The following OPCML variants were observed in gnomAD, a reference collection of about 807,000 sequenced individuals.
OPCML encodes the protein opioid-binding protein/cell adhesion molecule.
OPCML carries 13 observed loss-of-function variants against 37.8 expected under a neutral mutation model. The observed-to-expected ratio is 0.34, with a 90% CI of 0.22 to 0.55. The LOEUF (loss-of-function observed/expected upper bound fraction) is 0.55. Among genes scored for constraint, OPCML ranks in the 20% least tolerant of loss-of-function variants. The probability of loss-of-function intolerance (pLI) is 0.91; values close to 1 mark genes in which losing one functional copy is unlikely to be tolerated. For synonymous variants in OPCML, 176 were observed against 168.8 expected, an observed-to-expected ratio of 1.04 and a Z score of -0.33; for missense variants, 341 against 435.6, an observed-to-expected ratio of 0.78 and a Z score of 1.93.
chr11:133,434,800 A>T (rs999210455), intron 1 of OPCML, among the ~76,000 whole-genome samples: 1 of 70,810 alleles, frequency 1.4e-5, no homozygotes, highest in Non-Finnish European at 2.5e-5. Context: ...ATATATATGT[A>T]TATATATATA....
intron 1 of OPCML, among the ~76,000 whole-genome samples, chr11:133,510,346 C>A (rs564221083): frequency 6.6e-6 from 1 of 152,322 alleles, no homozygotes; most frequent in East Asian, 1.9e-4. Flanking sequence ...AATTAGAGCT[C>A]ATTTCTGTAC....
At chr11:133,301,332 C>T (rs913125446) in intron 1 of OPCML, 2 of 152,150 alleles carry the variant, frequency 1.3e-5, no homozygotes, top group Admixed American at 6.5e-5. Context: ...AAATAATTTG[C>T]TCACAAGCTT....
At chr11:132,738,026 C>T (rs1945316003) in intron 2 of OPCML, among the ~76,000 whole-genome samples, 1 of 152,180 alleles carries the variant, frequency 6.6e-6, no homozygotes, top group East Asian at 1.9e-4. Flanking sequence ...TAATCAGACA[C>T]TTAGCTCTCC....
chr11:132,459,386 T>G (rs2096092970), intron 4 of OPCML, among the ~76,000 whole-genome samples: 1 of 145,878 alleles, frequency 6.9e-6, no homozygotes, highest in African/African-American at 2.6e-5. Flanking sequence ...AGCCAATTCC[T>G]TTCTCTCTCT....
intron 3 of OPCML, among the ~76,000 whole-genome samples, chr11:132,570,305 G>A (rs934943570): frequency 6.6e-6 from 1 of 152,002 alleles, no homozygotes; most frequent in African/African-American, 2.4e-5. Context: ...AAATATTTTC[G>A]TTTGGCCCTT....
intron 2 of OPCML, among the ~76,000 whole-genome samples, chr11:132,706,024 T>C (rs1944019302): frequency 6.6e-6 from 1 of 151,962 alleles, no homozygotes; most frequent in South Asian, 2.1e-4. Flanking sequence ...GCCAGGCTGG[T>C]CTCAAACTCC....
At chr11:132,720,617 C>T (rs1480688548) in intron 2 of OPCML, among the ~76,000 whole-genome samples, 2 of 152,158 alleles carry the variant, frequency 1.3e-5, no homozygotes, top group Non-Finnish European at 2.9e-5. Context: ...CTCTAATTGG[C>T]TCGCTATTTA....
chr11:132,503,502 A>G (rs1334465208), intron 4 of OPCML, among the ~76,000 whole-genome samples: 2 of 152,118 alleles, frequency 1.3e-5, no homozygotes, highest in East Asian at 1.9e-4. Flanking sequence ...CTAACAATGC[A>G]TTAAAAATAT....
intron 1 of OPCML, among the ~76,000 whole-genome samples, chr11:132,997,083 T>A (rs1165504956): frequency 1.3e-5 from 2 of 152,148 alleles, no homozygotes; most frequent in African/African-American, 2.4e-5. Flanking sequence ...AGGAGCCTTT[T>A]ACCCCTCTCC....
At chr11:133,081,389 G>A (rs1227362373) in intron 1 of OPCML, among the ~76,000 whole-genome samples, 1 of 152,190 alleles carries the variant, frequency 6.6e-6, no homozygotes, top group Admixed American at 6.5e-5. Flanking sequence ...TAGGAACTGA[G>A]GCTGATGATT....
At chr11:132,887,848 G>C (rs1041817679) in intron 2 of OPCML, among the ~76,000 whole-genome samples, 2 of 152,174 alleles carry the variant, frequency 1.3e-5, no homozygotes, top group Non-Finnish European at 2.9e-5. Flanking sequence ...ATCTTACTCT[G>C]CCTAAGCTGT....
intron 2 of OPCML, among the ~76,000 whole-genome samples, chr11:132,833,815 CGT>C (rs376259139): frequency 1.7e-4 from 26 of 152,252 alleles, no homozygotes; most frequent in Middle Eastern, 3.4e-3. Context: ...ACTGAAACAT[CGT>C]TACGCAGCAC....
intron 1 of OPCML, among the ~76,000 whole-genome samples, chr11:133,239,761 G>A (rs1299398181): frequency 1.3e-5 from 2 of 152,292 alleles, no homozygotes; most frequent in East Asian, 3.9e-4. Context: ...CACTGCTCAG[G>A]AAGAACTGCT....
intron 2 of OPCML, chr11:132,817,050 C>T (rs11822275): frequency 0.028 from 4,210 of 152,296 alleles, 68 homozygotes; most frequent in African/African-American, 0.044. Flanking sequence ...TAGAAGTAAG[C>T]GGCAACAATG....
chr11:132,528,992 T>C, intron 4 of OPCML, 69 bp downstream of exon 4: 1 of 868,600 alleles, frequency 1.2e-6, no homozygotes, highest in Non-Finnish European at 1.8e-6. Flanking sequence ...TTCCTGAAGC[T>C]CTGTTGTGCA....
At chr11:132,714,559 A>T (rs929500100) in intron 2 of OPCML, among the ~76,000 whole-genome samples, 1 of 150,524 alleles carries the variant, frequency 6.6e-6, no homozygotes, top group Non-Finnish European at 1.5e-5. Flanking sequence ...TGTAGAAGTT[A>T]AAGTCAAAAT....
chr11:133,356,599 A>G (rs1290356026), intron 1 of OPCML, among the ~76,000 whole-genome samples: 1 of 152,144 alleles, frequency 6.6e-6, no homozygotes, highest in Non-Finnish European at 1.5e-5. Context: ...GCCCTGTACT[A>G]TCATTAATTG....
intron 1 of OPCML, among the ~76,000 whole-genome samples, chr11:133,296,935 G>A (rs1297151410): frequency 6.6e-6 from 1 of 152,142 alleles, no homozygotes; most frequent in Non-Finnish European, 1.5e-5. Flanking sequence ...CCCAGGAATT[G>A]CTCATAATTG....
At chr11:132,908,438 A>G (rs1190195748) in intron 2 of OPCML, among the ~76,000 whole-genome samples, 1 of 152,146 alleles carries the variant, frequency 6.6e-6, no homozygotes, top group Admixed American at 6.5e-5. Context: ...TAAACACATT[A>G]TTTTCCAAAA....
Sources: allele counts gnomAD v4.1 joint callset (sites outside exome capture counted in the v4.1 genomes callset), GRCh38; gene constraint gnomAD v4.1.1; transcripts MANE v1.5; gene names NCBI Gene and HGNC (gene_info 2026-07-23, HGNC 2026-07-21).